Variants in CDH18 observed in about 807,000 individuals in gnomAD.
The protein encoded by CDH18 is cadherin 18, also known as cadherin-18.
CDH18 carries 31 observed loss-of-function variants against 67.9 expected under a neutral mutation model. That is an observed-to-expected ratio of 0.46 (90% confidence interval 0.34 to 0.62). The LOEUF is 0.62. Ranked by LOEUF, CDH18 falls within the 20% of genes least tolerant of loss-of-function variation. The pLI, the probability that CDH18 is intolerant of heterozygous loss-of-function variation, is 0.01. For missense variants in CDH18, 890 were observed against 975.5 expected, an observed-to-expected ratio of 0.91 and a Z score of 1.17; for synonymous variants, 362 against 347.2, an observed-to-expected ratio of 1.04 and a Z score of -0.48.
chr5:20,305,102 C>A (rs1736304877), intron 1 of CDH18: 1 of 1,564,716 alleles, frequency 6.4e-7, no homozygotes, highest in East Asian at 2.2e-5. Context: ...GGGCCATTTG[C>A]AGCAAGAGAA....
chr5:20,259,736 A>C (rs1744504098), intron 1 of CDH18, among the ~76,000 whole-genome samples: 2 of 152,178 alleles, frequency 1.3e-5, no homozygotes, highest in African/African-American at 4.8e-5. Flanking sequence ...GTGGATGTTC[A>C]GCTGCACAGA....
intron 6 of CDH18, among the ~76,000 whole-genome samples, chr5:19,605,224 T>C (rs1486764839): frequency 6.6e-6 from 1 of 151,816 alleles, no homozygotes; most frequent in East Asian, 1.9e-4. Context: ...TTCAAAATAT[T>C]CAATTCTAAA....
chr5:19,549,689 C>T (rs527334724), intron 8 of CDH18, among the ~76,000 whole-genome samples: 11 of 81,634 alleles, frequency 1.3e-4, no homozygotes, highest in South Asian at 1.1e-3. Context: ...AGAAGAAAAG[C>T]GAAAGAAAGA....
intron 9 of CDH18, among the ~76,000 whole-genome samples, chr5:19,539,969 A>G (rs1749991845): frequency 6.6e-6 from 1 of 152,116 alleles, no homozygotes; most frequent in Non-Finnish European, 1.5e-5. Flanking sequence ...GCAGTCCTCC[A>G]AAGGCTTAAC....
intron 2 of CDH18, among the ~76,000 whole-genome samples, chr5:20,127,134 T>C (rs1435149778): frequency 1.3e-5 from 2 of 152,152 alleles, no homozygotes; most frequent in Non-Finnish European, 2.9e-5. Flanking sequence ...GGTTTCCCCC[T>C]TGTGGTTCTT....
chr5:19,774,408 G>A (rs1774056630), intron 3 of CDH18, among the ~76,000 whole-genome samples: 1 of 8,584 alleles, frequency 1.2e-4, no homozygotes, highest in Middle Eastern at 0.05. Flanking sequence ...CTGAAACCTT[G>A]TCAAAAATAA....
At chr5:19,991,541 C>A (rs1010518135), upstream of CDH18, among the ~76,000 whole-genome samples, 5 of 152,012 alleles carry the variant, frequency 3.3e-5, no homozygotes, top group African/African-American at 1.2e-4. Flanking sequence ...TAGGAAATTT[C>A]TCTGCAACTA....
At position 19,839,262 on chromosome 5, in the gene CDH18, A is replaced by G; in HGVS notation, c.-256-20T>C. 7.7e-6 allele frequency: 3 copies of G among 391,030 alleles called. No homozygotes were observed. The highest frequency in any genetic ancestry group is 1.4e-5 in the Non-Finnish European group (3 of 212,828). 24.2% of individuals were successfully genotyped at this position (391,030 alleles called of 1,614,324 possible). A position where few individuals can be genotyped will look rare whatever the true frequency, so the allele number is the denominator to read the frequency against. ...TTCAACCTAATGGAAAGAGAAAATT[A>G]TATGTGTTACAAAACACGGTTTTTT... is the stretch of plus-strand genomic sequence containing the variant. On this transcript the variant is annotated intron_variant, in intron 2 of 12. Coordinates refer to ENST00000382275, the MANE Select transcript of CDH18 (RefSeq NM_004934.5).
chr5:19,615,888 A>T (rs2150123970), intron 5 of CDH18, among the ~76,000 whole-genome samples: 1 of 152,264 alleles, frequency 6.6e-6, no homozygotes, highest in East Asian at 1.9e-4. Context: ...ACTCTGACTA[A>T]TATTCCATTA....
intron 2 of CDH18, among the ~76,000 whole-genome samples, chr5:19,845,620 C>A (rs776212175): frequency 1.8e-4 from 28 of 151,816 alleles, no homozygotes; most frequent in Non-Finnish European, 3.2e-4. Context: ...TTGACAATTT[C>A]TACTATTATT....
intron 1 of CDH18, among the ~76,000 whole-genome samples, chr5:19,983,740 C>T (rs1352888502): frequency 1.3e-5 from 2 of 152,110 alleles, no homozygotes; most frequent in Non-Finnish European, 2.9e-5. Flanking sequence ...TGCTAATTTT[C>T]CCAGAAATAG....
intron 2 of CDH18, among the ~76,000 whole-genome samples, chr5:19,879,097 C>T (rs1412342538): frequency 6.6e-6 from 1 of 151,908 alleles, no homozygotes; most frequent in Non-Finnish European, 1.5e-5. Flanking sequence ...ATACTCTAAT[C>T]TAAGCTTTCT....
chr5:19,855,981 T>C (rs1784238494), intron 2 of CDH18, among the ~76,000 whole-genome samples: 1 of 152,204 alleles, frequency 6.6e-6, no homozygotes, highest in Non-Finnish European at 1.5e-5. Flanking sequence ...AGAAATTCCA[T>C]GTGGTTAGTT....
intron 1 of CDH18, among the ~76,000 whole-genome samples, chr5:20,457,838 A>T (rs1750952469): frequency 6.6e-6 from 1 of 152,198 alleles, no homozygotes; most frequent in Non-Finnish European, 1.5e-5. Flanking sequence ...ACATGTAGAC[A>T]TTACCTAGTA....
intron 2 of CDH18, among the ~76,000 whole-genome samples, chr5:20,064,227 G>A (rs997757154): frequency 1.3e-5 from 2 of 152,142 alleles, no homozygotes; most frequent in Non-Finnish European, 2.9e-5. Flanking sequence ...TCTGGGCTCT[G>A]TAAATGGAAA....
At chr5:20,403,099 T>C (rs1745917998) in intron 1 of CDH18, among the ~76,000 whole-genome samples, 1 of 151,848 alleles carries the variant, frequency 6.6e-6, no homozygotes, top group East Asian at 1.9e-4. Context: ...ATGGTAATTG[T>C]TTGAACCCAA....
At chr5:20,558,077 A>G (rs915905474) in intron 1 of CDH18, among the ~76,000 whole-genome samples, 1 of 151,894 alleles carries the variant, frequency 6.6e-6, no homozygotes, top group Non-Finnish European at 1.5e-5. Flanking sequence ...TTATAGAATT[A>G]TTTCATTCAG....
At chr5:20,069,718 G>A (rs1003797650) in intron 2 of CDH18, among the ~76,000 whole-genome samples, 2 of 151,966 alleles carry the variant, frequency 1.3e-5, no homozygotes, top group Non-Finnish European at 2.9e-5. Context: ...GCCATTTTTA[G>A]AATTTTTAAA....
intron 1 of CDH18, among the ~76,000 whole-genome samples, chr5:20,350,128 T>G (rs1458065599): frequency 6.6e-6 from 1 of 152,194 alleles, no homozygotes; most frequent in Admixed American, 6.5e-5. Flanking sequence ...GGTGTCTCCT[T>G]GCTTACTGAT....
Sources: gnomAD v4.1 joint callset for allele counts (sites outside exome capture counted in the v4.1 genomes callset) on GRCh38, gnomAD v4.1.1 for gene constraint, MANE v1.5 for transcripts, NCBI Gene and HGNC (gene_info 2026-07-23, HGNC 2026-07-21) for gene names.